Variants in FTCDNL1 observed in about 807,000 individuals in gnomAD.
The protein encoded by FTCDNL1 is formiminotransferase N-terminal subdomain-containing protein.
In FTCDNL1, 11 loss-of-function variants were observed where a neutral mutation model predicts 5.9. The observed-to-expected ratio is 1.87, with a 90% CI of 1.18 to 3.10. The LOEUF is 3.10. Ranked by LOEUF, FTCDNL1 falls within the 30% of genes most tolerant of loss-of-function variation. FTCDNL1 has a pLI of 0.00. For missense variants in FTCDNL1, 115 were observed against 65.5 expected (o/e 1.76, Z -2.61); for synonymous variants, 58 against 24.8 (o/e 2.34, Z -3.99).
chr2:199,771,972 G>A (rs1016506458), intron 3 of FTCDNL1, among the ~76,000 whole-genome samples: 1 of 152,192 alleles, frequency 6.6e-6, no homozygotes, highest in Non-Finnish European at 1.5e-5. Flanking sequence ...GATACAGTGA[G>A]AGATCAACAG....
chr2:199,796,573 AACTGTAGGTCAGTCATTTCTTCAAGTC>A (rs1360711701), intron 3 of FTCDNL1, among the ~76,000 whole-genome samples: 36 of 152,316 alleles, frequency 2.4e-4, no homozygotes, highest in Non-Finnish European at 4.3e-4. Context: ...TTAAACAATC[AACTGTAGGTCAGTCATTTCTTCAAGTC>A]GATGTCCAGA....
chr2:199,736,511 C>T, the FTCDNL1 span, among the ~76,000 whole-genome samples: 1 of 152,312 alleles, frequency 6.6e-6, no homozygotes, highest in African/African-American at 2.4e-5. Flanking sequence ...GCAGCATTCT[C>T]CCTTAAAGGT....
At chr2:199,757,842 T>G (rs1017458961), downstream of FTCDNL1, among the ~76,000 whole-genome samples, 4 of 152,198 alleles carry the variant, frequency 2.6e-5, no homozygotes, top group African/African-American at 9.6e-5. Context: ...AGAATAATCC[T>G]ATGTCAAAGT....
At chr2:199,664,803 A>G in the FTCDNL1 span, among the ~76,000 whole-genome samples, 9 of 152,204 alleles carry the variant, frequency 5.9e-5, no homozygotes, top group Admixed American at 4.6e-4. Flanking sequence ...ATTTTATTCT[A>G]TAACATATAA....
chr2:199,672,284 C>G, the FTCDNL1 span, among the ~76,000 whole-genome samples: 1 of 152,086 alleles, frequency 6.6e-6, no homozygotes, highest in Non-Finnish European at 1.5e-5. Context: ...ATGAGAGGGT[C>G]TTTGCTTTAG....
chr2:199,844,484 A>G (rs549408915), intron 3 of FTCDNL1: 8 of 666,768 alleles, frequency 1.2e-5, no homozygotes, highest in South Asian at 6.4e-5. Flanking sequence ...TTGAACTTCC[A>G]TATCGATAGC....
the FTCDNL1 span, among the ~76,000 whole-genome samples, chr2:199,742,602 T>C: frequency 6.6e-6 from 1 of 152,324 alleles, no homozygotes; most frequent in South Asian, 2.1e-4. Flanking sequence ...TACTAAGTGT[T>C]TTTTATGGAA....
the FTCDNL1 span, among the ~76,000 whole-genome samples, chr2:199,738,480 T>A: frequency 6.6e-6 from 1 of 152,216 alleles, no homozygotes; most frequent in Non-Finnish European, 1.5e-5. Flanking sequence ...ACTAACTAAT[T>A]AGCCTGTGAA....
chr2:199,766,250 C>T (rs552330679), intron 3 of FTCDNL1, among the ~76,000 whole-genome samples: 158 of 152,326 alleles, frequency 1.0e-3, no homozygotes, highest in Non-Finnish European at 2.1e-3. Flanking sequence ...AATATTAACA[C>T]AGCTTCCCAT....
the FTCDNL1 span, among the ~76,000 whole-genome samples, chr2:199,738,842 C>G: frequency 6.6e-6 from 1 of 152,188 alleles, no homozygotes; most frequent in Non-Finnish European, 1.5e-5. Flanking sequence ...GTATCCCTCT[C>G]TCAGTACTAT....
At chr2:199,780,459 T>C (rs1215529520) in intron 3 of FTCDNL1, among the ~76,000 whole-genome samples, 1 of 152,190 alleles carries the variant, frequency 6.6e-6, no homozygotes, top group African/African-American at 2.4e-5. Flanking sequence ...TAACAAGTTC[T>C]GGGATCAGTT....
chr2:199,709,003 C>G, the FTCDNL1 span, among the ~76,000 whole-genome samples: 3 of 152,112 alleles, frequency 2.0e-5, no homozygotes, highest in Non-Finnish European at 4.4e-5. Flanking sequence ...TACTTGGGAT[C>G]TCCTCCCTGT....
At chr2:199,693,406 T>C in the FTCDNL1 span, among the ~76,000 whole-genome samples, 1 of 152,234 alleles carries the variant, frequency 6.6e-6, no homozygotes, top group Admixed American at 6.5e-5. Flanking sequence ...AGTAAAGCAA[T>C]AGCGTATACT....
At chr2:199,718,025 T>C in the FTCDNL1 span, among the ~76,000 whole-genome samples, 1 of 151,614 alleles carries the variant, frequency 6.6e-6, no homozygotes, top group African/African-American at 2.4e-5. Context: ...CACTTAATTC[T>C]CCTGCAAAAT....
the FTCDNL1 span, among the ~76,000 whole-genome samples, chr2:199,748,567 G>A: frequency 6.6e-6 from 1 of 152,086 alleles, no homozygotes; most frequent in African/African-American, 2.4e-5. Flanking sequence ...TTACACCTGA[G>A]CCCCTCTGCC....
At chr2:199,673,001 G>A in the FTCDNL1 span, among the ~76,000 whole-genome samples, 2 of 152,190 alleles carry the variant, frequency 1.3e-5, no homozygotes, top group Admixed American at 1.3e-4. Flanking sequence ...CACAGAGAAA[G>A]TCAGGGAGAC....
the FTCDNL1 span, among the ~76,000 whole-genome samples, chr2:199,739,040 A>G: frequency 6.6e-6 from 1 of 152,258 alleles, no homozygotes; most frequent in African/African-American, 2.4e-5. Flanking sequence ...AAATTACTAG[A>G]AACCATGTCT....
chr2:199,835,691 A>G (rs1007016549), intron 3 of FTCDNL1, among the ~76,000 whole-genome samples: 8 of 152,220 alleles, frequency 5.3e-5, no homozygotes, highest in African/African-American at 1.7e-4. Flanking sequence ...AAAGGGATTC[A>G]GGAAAAACAT....
chr2:199,681,500 C>T, the FTCDNL1 span, among the ~76,000 whole-genome samples: 1 of 152,110 alleles, frequency 6.6e-6, no homozygotes, highest in Non-Finnish European at 1.5e-5. Context: ...TGTTTGCAGG[C>T]TTTGGAGGGT....
Sources: gnomAD v4.1 joint callset for allele counts (sites outside exome capture counted in the v4.1 genomes callset) on GRCh38, gnomAD v4.1.1 for gene constraint, MANE v1.5 for transcripts, NCBI Gene and HGNC (gene_info 2026-07-23, HGNC 2026-07-21) for gene names.